Variants in NOM1 observed in about 807,000 individuals in gnomAD.
NOM1 encodes nucleolar protein with MIF4G domain 1.
Under a neutral mutation model 73.3 loss-of-function variants are expected in NOM1, and 58 were observed. The observed-to-expected ratio is 0.79, with a 90% CI of 0.64 to 0.99. The LOEUF is 0.99. NOM1 is among the 50% of genes least tolerant of loss of function. NOM1 has a pLI of 0.00. For synonymous variants in NOM1, 487 were observed against 446.8 expected (o/e 1.09, Z -1.14); for missense variants, 1,226 against 1,131.9 (o/e 1.08, Z -1.19).
intron 3 of NOM1, among the ~76,000 whole-genome samples, chr7:156,959,363 A>G (rs929702323): frequency 5.9e-5 from 9 of 151,858 alleles, no homozygotes; most frequent in Non-Finnish European, 1.0e-4. Context: ...CAGCCTCCCA[A>G]AAGTGCTGGG....
At chr7:156,952,334 TG>T (rs1804614570) in intron 1 of NOM1, 139 bp from the exon 2 acceptor site, 4 of 841,718 alleles carry the variant, frequency 4.8e-6, no homozygotes, top group Non-Finnish European at 5.5e-6. Flanking sequence ...TCAATAAATC[TG>T]ATGTATTTAA....
intron 3 of NOM1, among the ~76,000 whole-genome samples, chr7:156,955,494 A>G (rs927471718): frequency 1.1e-4 from 16 of 152,084 alleles, no homozygotes; most frequent in African/African-American, 3.9e-4. Context: ...GTCTCTTTTA[A>G]TGGTGGTTCT....
At chr7:156,961,036 G>A (rs1804851639) in intron 4 of NOM1, among the ~76,000 whole-genome samples, 3 of 152,180 alleles carry the variant, frequency 2.0e-5, no homozygotes, top group Non-Finnish European at 4.4e-5. Flanking sequence ...TTGAAAGACT[G>A]GGTTAGCTGT....
rs774074872 is a variant in NOM1 at position 156,950,376 on chromosome 7, C to T, written c.639C>T (p.Arg213=). Residue 213 remains arginine, a synonymous_variant, in exon 1 of 11, where the codon CGC becomes CGT. Coordinates refer to ENST00000275820, the MANE Select transcript of NOM1 (RefSeq NM_138400.2). ...GSSSVPLSFA[R]DGLDYILGAL... The stretch of plus-strand genomic sequence containing the variant: ...GCTCCGTGCCGCTGAGCTTTGCACG[C>T]GACGGTCTTGACTATATTCTGGGAG... The T allele has an allele frequency of 1.9e-6, 3 of 1,614,106 alleles. No individual in the cohort carries two copies. In the African/African-American group the frequency reaches 4.0e-5, roughly 22 times the overall value.
At chr7:156,968,442 G>A (rs1005941348) in intron 9 of NOM1, among the ~76,000 whole-genome samples, 39 of 152,130 alleles carry the variant, frequency 2.6e-4, no homozygotes, top group Admixed American at 1.2e-3. Flanking sequence ...GTTTGGCTGC[G>A]CACCTCCCTG....
rs1805154638 is a variant in NOM1 at position 156,972,167 on chromosome 7, A to G, written c.*2464A>G. ...GTGCTTCACGCCTCGGTAGATTTGCATTCTGATGCAAGCCCCCAACCTCAC... is the reference window on the plus strand; with the variant it reads ...GTGCTTCACGCCTCGGTAGATTTGCGTTCTGATGCAAGCCCCCAACCTCAC... On this transcript the variant is annotated 3_prime_UTR_variant, in exon 11 of 11. Coordinates refer to ENST00000275820, the MANE Select transcript of NOM1 (RefSeq NM_138400.2). 2 of 152,282 alleles carry G rather than the reference A, an allele frequency of 1.3e-5. No homozygotes were observed. Among genetic ancestry groups the G allele is most frequent in the Admixed American group, 1.3e-4 (2 of 15,288 alleles). The allele number at this position is 152,282 out of a possible 1,614,324, so 9.4% of individuals were successfully genotyped here. A position where few individuals can be genotyped will look rare whatever the true frequency, so the allele number is the denominator to read the frequency against.
chr7:156,955,490 T>C (rs1436888519), intron 3 of NOM1, among the ~76,000 whole-genome samples: 1 of 152,104 alleles, frequency 6.6e-6, no homozygotes, highest in Non-Finnish European at 1.5e-5. Context: ...GATAGTCTCT[T>C]TTAATGGTGG....
chr7:156,958,362 T>C (rs1235845782), intron 3 of NOM1, among the ~76,000 whole-genome samples: 2 of 152,206 alleles, frequency 1.3e-5, no homozygotes, highest in Non-Finnish European at 2.9e-5. Context: ...CACACTGCCA[T>C]GCGTTGCTGT....
At chr7:156,966,911 T>G in intron 8 of NOM1, 50 bp from the exon 9 acceptor site, 1 of 1,467,654 alleles carries the variant, frequency 6.8e-7, no homozygotes, top group Non-Finnish European at 9.3e-7. Flanking sequence ...TGATATATTA[T>G]AGTAATTTGT....
Position 156,959,919 on chromosome 7 carries a change from G to A in NOM1, c.1377G>A (p.Gly459=), listed in dbSNP as rs1563682177. ...CCATCTATAAATACGGAAGCGAAGG[G>A]AAAGAGTGTGACAACCTGTTCACCG... The part of the protein sequence containing the change: ...FDAIYKYGSE[G]KECDNLFTVI... Residue 459 remains glycine, a synonymous_variant, in exon 4 of 11, where the codon GGG becomes GGA. Transcript: ENST00000275820. 6.2e-7 allele frequency: 1 copy of A among 1,614,194 alleles called. No homozygotes were observed. The highest frequency in any genetic ancestry group is 1.3e-5 in the African/African-American group (1 of 75,044).
intron 8 of NOM1, among the ~76,000 whole-genome samples, chr7:156,966,670 G>A (rs532797134): frequency 2.0e-4 from 31 of 152,248 alleles, no homozygotes; most frequent in Admixed American, 3.9e-4. Context: ...GCACCTCGTC[G>A]GTTCACAGTG....
intron 3 of NOM1, among the ~76,000 whole-genome samples, chr7:156,954,675 T>C (rs372932333): frequency 1.3e-5 from 2 of 152,130 alleles, no homozygotes; most frequent in East Asian, 3.9e-4. Context: ...CCTGGCTAAT[T>C]GTTTTGGTGG....
At position 156,963,078 on chromosome 7, in the gene NOM1, A is replaced by G; in HGVS notation, c.1814A>G (p.Gln605Arg). The G allele has an allele frequency of 6.2e-7, 1 of 1,614,254 alleles. No homozygotes were observed. The highest frequency in any genetic ancestry group is 8.5e-7 in the Non-Finnish European group (1 of 1,180,028). The change falls in exon 6 of 11, where the codon CAG becomes CGG. Residue 605 changes from glutamine (Q) to arginine (R), a missense_variant. Coordinates refer to ENST00000275820, the MANE Select transcript of NOM1 (RefSeq NM_138400.2). ...VSWDSVLSAE[Q>R]TGRWWIVGSA... ...TGGGACAGTGTCTTGAGTGCGGAGCAGACGGGTCGCTGGTGGATTGTGGGG... is the reference window on the plus strand; with the variant it reads ...TGGGACAGTGTCTTGAGTGCGGAGCGGACGGGTCGCTGGTGGATTGTGGGG...
At chr7:156,953,953 T>C (rs1225879434) in intron 2 of NOM1, 150 bp from the exon 3 acceptor site, 2 of 620,304 alleles carry the variant, frequency 3.2e-6, no homozygotes, top group Non-Finnish European at 5.5e-6. Flanking sequence ...TGCTGGGTTA[T>C]TGGGGCAAGA....
chr7:156,969,634 C>T lies in NOM1; in HGVS notation c.2514C>T (p.Ala838=). The change falls in exon 11 of 11, where the codon GCC becomes GCT. Residue 838 remains alanine, a synonymous_variant. Transcript: ENST00000275820. ...NAQAHRSADE[A]NVLREKADLA... ...AGGCCCACAGAAGCGCCGACGAAGCCAACGTGCTGAGAGAGAAAGCTGACC... is the reference window on the plus strand; with the variant it reads ...AGGCCCACAGAAGCGCCGACGAAGCTAACGTGCTGAGAGAGAAAGCTGACC... 1 of 1,613,804 alleles carries T rather than the reference C, an allele frequency of 6.2e-7. No individual in the cohort carries two copies. Among genetic ancestry groups the T allele is most frequent in the Non-Finnish European group, 8.5e-7 (1 of 1,179,886 alleles).
intron 3 of NOM1, among the ~76,000 whole-genome samples, chr7:156,956,121 A>T (rs1411889683): frequency 6.6e-6 from 1 of 151,750 alleles, no homozygotes; most frequent in Non-Finnish European, 1.5e-5. Context: ...TGAACCCAGC[A>T]GGCGGAGTTT....
chr7:156,953,797 G>A (rs1489599648), intron 2 of NOM1, among the ~76,000 whole-genome samples: 3 of 152,158 alleles, frequency 2.0e-5, no homozygotes, highest in Non-Finnish European at 4.4e-5. Context: ...TGGGATATCA[G>A]GTCAGAATAT....
intron 9 of NOM1, among the ~76,000 whole-genome samples, chr7:156,967,616 C>T (rs1236978732): frequency 4.6e-5 from 7 of 152,180 alleles, no homozygotes; most frequent in South Asian, 2.1e-4. Flanking sequence ...CCTCTGCCTC[C>T]GGGATTCAAG....
intron 8 of NOM1, among the ~76,000 whole-genome samples, chr7:156,966,625 C>T (rs530660028): frequency 3.3e-5 from 5 of 152,306 alleles, no homozygotes; most frequent in African/African-American, 9.6e-5. Flanking sequence ...CCTGCTTCTG[C>T]CACAGATGCA....
Sources: gnomAD v4.1 joint callset for allele counts (sites outside exome capture counted in the v4.1 genomes callset) on GRCh38, gnomAD v4.1.1 for gene constraint, MANE v1.5 for transcripts, NCBI Gene and HGNC (gene_info 2026-07-23, HGNC 2026-07-21) for gene names.